The following SMC4 variants were observed in gnomAD, a reference collection of about 807,000 sequenced individuals.
SMC4 encodes structural maintenance of chromosomes protein 4.
Under a neutral mutation model 145.6 loss-of-function variants are expected in SMC4, and 87 were observed. The observed-to-expected ratio is 0.60, with a 90% CI of 0.50 to 0.71. The LOEUF (loss-of-function observed/expected upper bound fraction) is 0.71, where lower values mean the gene tolerates loss of function less well. Among genes scored for constraint, SMC4 ranks in the 30% least tolerant of loss-of-function variants. The probability of loss-of-function intolerance (pLI) is 0.00; values close to 1 mark genes in which losing one functional copy is unlikely to be tolerated. For synonymous variants in SMC4, 558 were observed against 500.7 expected (o/e 1.11, Z -1.53); for missense variants, 1,447 against 1,537.1 (o/e 0.94, Z 0.98).
rs558209925 is a variant in SMC4, at chr3:160,413,909, A to G, written c.1121+296A>G. On this transcript the variant is annotated intron_variant, in intron 8 of 23. Transcript: ENST00000357388. The stretch of plus-strand genomic sequence containing the variant: ...TCTTTTAGTAGTCCACAAATCTGAT[A>G]GAGGGATAGGATTTGGGTTTTTCTA... 8.8e-5 allele frequency: 27 copies of G among 305,498 alleles called. 1 individual carries two copies. The highest frequency in any genetic ancestry group is 6.2e-4 in the African/African-American group (27 of 43,658). 18.9% of individuals were successfully genotyped at this position (305,498 alleles called of 1,614,324 possible). A position where few individuals can be genotyped will look rare whatever the true frequency, so the allele number is the denominator to read the frequency against.
chr3:160,412,112 A>G (rs1716056050), intron 6 of SMC4, 28 bp downstream of exon 6: 6 of 1,595,036 alleles, frequency 3.8e-6, no homozygotes, highest in African/African-American at 2.7e-5. Flanking sequence ...TTTCATTGTA[A>G]ATCAGAATGT....
chr3:160,431,599 T>C (rs1221692311), intron 20 of SMC4, 44 bp from the exon 21 acceptor site: 14 of 1,379,094 alleles, frequency 1.0e-5, no homozygotes, highest in Admixed American at 2.4e-5. Flanking sequence ...GAATTGTATG[T>C]AATATTATGC....
At chr3:160,409,470 G>C (rs1256264270) in intron 5 of SMC4, among the ~76,000 whole-genome samples, 1 of 152,042 alleles carries the variant, frequency 6.6e-6, no homozygotes, top group African/African-American at 2.4e-5. Context: ...CCAAAGCTAA[G>C]CTGTTTCTTA....
intron 8 of SMC4, 199 bp from the exon 9 acceptor site, chr3:160,414,168 A>G (rs1239807965): frequency 1.7e-6 from 1 of 589,554 alleles, no homozygotes; most frequent in East Asian, 3.7e-5. Flanking sequence ...TTAGAAAGGC[A>G]AAATAGCTGT....
Position 160,424,995 on chromosome 3 carries a change from A to C in SMC4, c.2454A>C (p.Leu818=). Residue 818 remains leucine (L), a synonymous_variant, in exon 16 of 24, where the codon CTA becomes CTC. Transcript: ENST00000357388. The part of the protein sequence containing the change: ...RHSEREMRNT[L]EKFTASIQRL... ...GTGAACGAGAAATGAGGAACACACT[A>C]GAAAAATTTACTGCAAGCATCCAGG... 6.2e-7 allele frequency: 1 copy of C among 1,609,282 alleles called. No homozygotes were observed. Among genetic ancestry groups the C allele is most frequent in the Non-Finnish European group, 8.5e-7 (1 of 1,177,956 alleles).
intron 5 of SMC4, among the ~76,000 whole-genome samples, chr3:160,409,997 G>C (rs1218458855): frequency 6.6e-6 from 1 of 152,166 alleles, no homozygotes; most frequent in Non-Finnish European, 1.5e-5. Context: ...GATCGCTTGA[G>C]TCTGAAAGGT....
At position 160,414,524 on chromosome 3, in the gene SMC4, G is replaced by A; in HGVS notation, c.1272+7G>A. On this transcript the variant is annotated splice_region_variant and intron_variant, in intron 9 of 23. Coordinates refer to ENST00000357388, the MANE Select transcript of SMC4 (RefSeq NM_001002800.3). ...TCAAAAAGATAAAGAAAAGGTAGGT[G>A]TTAGAAAAAAATTCTTAAAATTTCA... 6.2e-7 allele frequency: 1 copy of A among 1,608,690 alleles called. No individual in the cohort carries two copies. Among genetic ancestry groups the A allele is most frequent in the Non-Finnish European group, 8.5e-7 (1 of 1,177,634 alleles).
intron 15 of SMC4, 89 bp downstream of exon 15, chr3:160,423,929 T>A: frequency 1.1e-6 from 1 of 945,570 alleles, no homozygotes; most frequent in Non-Finnish European, 1.5e-6. Context: ...TTGGCCATTT[T>A]AAGTATGGTG....
chr3:160,420,582 TTATACA>T, intron 12 of SMC4, 152 bp from the exon 13 acceptor site: 4 of 603,496 alleles, frequency 6.6e-6, no homozygotes, highest in Admixed American at 3.9e-5. Flanking sequence ...ATTCATAAAC[TTATACA>T]TATTTTGTAT....
At chr3:160,414,091 C>T (rs550908203) in intron 8 of SMC4, 2 of 446,064 alleles carry the variant, frequency 4.5e-6, no homozygotes, top group Admixed American at 3.7e-5. Flanking sequence ...AAATTTTACT[C>T]CTATGGTAAA....
chr3:160,424,659 T>C (rs1353504683), intron 15 of SMC4, among the ~76,000 whole-genome samples: 4 of 152,030 alleles, frequency 2.6e-5, no homozygotes, highest in African/African-American at 9.7e-5. Flanking sequence ...ACACAAAAAT[T>C]AGCCGGGCGT....
intron 5 of SMC4, among the ~76,000 whole-genome samples, chr3:160,409,961 G>T (rs560425070): frequency 1.3e-5 from 2 of 151,894 alleles, no homozygotes; most frequent in Admixed American, 6.6e-5. Context: ...CTGTAGTCCC[G>T]GCTACTTGGG....
chr3:160,413,802 T>C, intron 8 of SMC4, 189 bp downstream of exon 8: 1 of 401,332 alleles, frequency 2.5e-6, no homozygotes, highest in Non-Finnish European at 4.5e-6. Flanking sequence ...TTCCCTACTC[T>C]GAAGTCTTAG....
chr3:160,401,073 AGGTCCGGTGTC>A, intron 2 of SMC4, 108 bp downstream of exon 2: 2 of 1,297,934 alleles, frequency 1.5e-6, no homozygotes, highest in Non-Finnish European at 2.0e-6. Flanking sequence ...TGACATCTGA[AGGTCCGGTGTC>A]GGTCCGGTAG....
At chr3:160,408,958 T>C (rs1266377039) in intron 5 of SMC4, among the ~76,000 whole-genome samples, 2 of 152,028 alleles carry the variant, frequency 1.3e-5, no homozygotes, top group African/African-American at 4.8e-5. Context: ...TCTGATAATA[T>C]GGTAACTGGT....
At chr3:160,426,310 A>G (rs1320847658) in intron 17 of SMC4, 110 bp downstream of exon 17, 4 of 791,582 alleles carry the variant, frequency 5.1e-6, no homozygotes, top group Non-Finnish European at 8.4e-6. Flanking sequence ...TATGCAAGTC[A>G]TTGCACTATT....
At chr3:160,404,033 C>T (rs548540576) in intron 4 of SMC4, 3 of 289,440 alleles carry the variant, frequency 1.0e-5, no homozygotes, top group Admixed American at 5.3e-5. Context: ...ATCTTGTCTA[C>T]GTCTTCTCAA....
At chr3:160,427,254 T>C (rs7631284) in intron 17 of SMC4, among the ~76,000 whole-genome samples, 3,110 of 152,296 alleles carry the variant, frequency 0.02, 102 homozygotes, top group African/African-American at 0.071. Context: ...ATGGCACATA[T>C]TTGAGTGGAG....
At chr3:160,402,154 T>G in intron 3 of SMC4, 61 bp downstream of exon 3, 1 of 1,099,616 alleles carries the variant, frequency 9.1e-7, no homozygotes, top group Non-Finnish European at 1.2e-6. Context: ...GGTAATACGT[T>G]TTTACAAGAT....
Sources: allele counts gnomAD v4.1 joint callset (sites outside exome capture counted in the v4.1 genomes callset), GRCh38; gene constraint gnomAD v4.1.1; transcripts MANE v1.5; gene names NCBI Gene and HGNC (gene_info 2026-07-23, HGNC 2026-07-21).